FAT4: variants seen among roughly 807,000 people sequenced by gnomAD.
The protein encoded by FAT4 is FAT atypical cadherin 4.
FAT4 carries 84 observed loss-of-function variants against 303.9 expected under a neutral mutation model. The observed-to-expected ratio is 0.28, with a 90% CI of 0.23 to 0.33. The LOEUF is 0.33. Ranked by LOEUF, FAT4 falls within the 10% of genes least tolerant of loss-of-function variation. FAT4 has a pLI of 1.00. For missense variants in FAT4, 6,005 were observed against 6,146.8 expected, an observed-to-expected ratio of 0.98 and a Z score of 0.77; for synonymous variants, 2,307 against 2,298.8, an observed-to-expected ratio of 1.00 and a Z score of -0.10.
At chr4:125,440,644 A>AGAG (rs1385928096) in intron 8 of FAT4, among the ~76,000 whole-genome samples, 5 of 149,576 alleles carry the variant, frequency 3.3e-5, no homozygotes, top group South Asian at 2.1e-4. Context: ...AGAGAGAGAG[A>AGAG]ATTTATTCCA....
rs141847549 is a variant in FAT4, at chr4:125,378,404, G to A, written c.5176-20380G>A. Among the ~76,000 whole-genome samples the A allele has an allele frequency of 1.7e-3, 259 of 152,104 alleles. 3 individuals carry two copies. Among genetic ancestry groups the A allele is most frequent in the African/African-American group, 5.7e-3 (238 of 41,526 alleles). On this transcript the variant is annotated intron_variant, in intron 2 of 17. Coordinates refer to ENST00000394329, the MANE Select transcript of FAT4 (RefSeq NM_001291303.3). The stretch of plus-strand genomic sequence containing the variant: ...AATGAAGTATAATTATGGAGGCATA[G>A]TTATTTTTCAGAAAAGTAACTATAC...
chr4:125,393,472 G>A (rs1217035041), intron 2 of FAT4, among the ~76,000 whole-genome samples: 1 of 151,992 alleles, frequency 6.6e-6, no homozygotes, highest in African/African-American at 2.4e-5. Flanking sequence ...TGATATTAGC[G>A]ATTGTTAGGT....
intron 5 of FAT4, among the ~76,000 whole-genome samples, chr4:125,413,101 T>C (rs941689392): frequency 2.0e-5 from 3 of 151,826 alleles, no homozygotes; most frequent in African/African-American, 4.8e-5. Context: ...TAAATATATA[T>C]ACACACACAA....
At position 125,320,076 on chromosome 4, in the gene FAT4, C is replaced by T. The variant is rs1730864990; in HGVS notation, c.3665C>T (p.Ser1222Leu). The T allele has an allele frequency of 6.2e-7, 1 of 1,613,762 alleles. No homozygotes were observed. ...KDFYQATISE[S>L]AANLTQVLRV... The stretch of plus-strand genomic sequence containing the variant: ...TTTTACCAAGCTACAATATCAGAAT[C>T]AGCAGCCAATCTGACACAAGTGTTA... Residue 1222 changes from serine to leucine, a missense_variant, in exon 2 of 18, where the codon TCA becomes TTA. Coordinates refer to ENST00000394329, the MANE Select transcript of FAT4 (RefSeq NM_001291303.3).
intron 8 of FAT4, among the ~76,000 whole-genome samples, chr4:125,445,264 A>G (rs954893665): frequency 1.3e-5 from 2 of 152,134 alleles, no homozygotes; most frequent in Non-Finnish European, 2.9e-5. Context: ...AAAGTAGGAT[A>G]AAAAATGCTG....
intron 10 of FAT4, among the ~76,000 whole-genome samples, chr4:125,453,660 C>T (rs183651098): frequency 6.6e-6 from 1 of 150,880 alleles, no homozygotes; most frequent in Non-Finnish European, 1.5e-5. Context: ...GAGCCGAGAT[C>T]GCGTCACTGC....
chr4:125,331,602 A>C (rs143467789), intron 2 of FAT4, among the ~76,000 whole-genome samples: 1 of 152,200 alleles, frequency 6.6e-6, no homozygotes, highest in East Asian at 1.9e-4. Context: ...AATATATATC[A>C]CAGTGTATGC....
intron 2 of FAT4, among the ~76,000 whole-genome samples, chr4:125,368,778 C>G (rs2125990185): frequency 6.6e-6 from 1 of 151,860 alleles, no homozygotes; most frequent in African/African-American, 2.4e-5. Context: ...GGCTTCTAGC[C>G]ATAAGCCTGC....
intron 12 of FAT4, among the ~76,000 whole-genome samples, chr4:125,471,673 A>T (rs911709709): frequency 4.6e-5 from 7 of 151,792 alleles, no homozygotes; most frequent in Admixed American, 1.3e-4. Flanking sequence ...CCCATCTCTA[A>T]CAGCTATCAA....
Position 125,419,144 on chromosome 4 carries a change from A to G in FAT4, c.7018+2522A>G, listed in dbSNP as rs527889490. 1.1e-4 allele frequency among the ~76,000 whole-genome samples: 16 copies of G among 152,288 alleles called. No individual in the cohort carries two copies. The South Asian group carries it at 2.9e-3, about 28-fold the overall frequency. ...TCTATGATTGGAAATACTAATATCT[A>G]TATGAAAGTTTATTGATCAAATAGA... On this transcript the variant is annotated intron_variant, in intron 7 of 17. Coordinates refer to ENST00000394329, the MANE Select transcript of FAT4 (RefSeq NM_001291303.3).
chr4:125,395,375 T>C lies in FAT4; in HGVS notation c.5176-3409T>C, dbSNP rs563311108. ...CTGAGGCTGGAGTGCAGTGATGCCATCTTGGCTCACTGCAACCTCTGCATC... is the reference window on the plus strand; with the variant it reads ...CTGAGGCTGGAGTGCAGTGATGCCACCTTGGCTCACTGCAACCTCTGCATC... On this transcript the variant is annotated intron_variant, in intron 2 of 17. Coordinates refer to ENST00000394329, the MANE Select transcript of FAT4 (RefSeq NM_001291303.3). Among the ~76,000 whole-genome samples the C allele has an allele frequency of 2.6e-4, 40 of 152,282 alleles. No homozygotes were observed. The East Asian group carries it at 6.6e-3, about 25-fold the overall frequency.
chr4:125,321,141 T>C lies in FAT4; in HGVS notation c.4730T>C (p.Val1577Ala), dbSNP rs751681893. Reference sequence around the variant, plus strand: ...AATGGGGACACAGACACCTTCATTGTTGATCGTTATAGTGGAGACCTGAGA... The same window carrying C: ...AATGGGGACACAGACACCTTCATTGCTGATCGTTATAGTGGAGACCTGAGA... ...IINGDTDTFI[V>A]DRYSGDLRVA... is the part of the protein sequence containing the mutation. The change falls in exon 2 of 18, where the codon GTT becomes GCT. Residue 1577 changes from valine (V) to alanine (A), a missense_variant. Transcript: ENST00000394329. 2 of 1,614,158 alleles carry C rather than the reference T, an allele frequency of 1.2e-6. No homozygotes were observed. Among genetic ancestry groups the C allele is most frequent in the Non-Finnish European group, 1.7e-6 (2 of 1,179,982 alleles).
Position 125,451,847 on chromosome 4 carries a change from C to G in FAT4, c.10837C>G (p.Pro3613Ala). 1.9e-6 allele frequency: 3 copies of G among 1,614,108 alleles called. No individual in the cohort carries two copies. Among genetic ancestry groups the G allele is most frequent in the Non-Finnish European group, 1.7e-6 (2 of 1,180,020 alleles). The change falls in exon 10 of 18, where the codon CCT becomes GCT. Residue 3613 changes from proline to alanine, a missense_variant. Physicochemically the swap from Pro to Ala is conservative, Grantham distance 27 (BLOSUM62 -1). Transcript: ENST00000394329. The stretch of plus-strand genomic sequence containing the variant: ...CACAGTTATAGACCAAAATGACAAT[C>G]CTTCACAGTCTCGGACGGTGGAGAT... Reference protein sequence around the residue: ...HITVIDQNDNPSQSRTVEIFV... With the variant: ...HITVIDQNDNASQSRTVEIFV...
intron 7 of FAT4, among the ~76,000 whole-genome samples, chr4:125,421,549 A>G (rs1724891225): frequency 1.3e-5 from 2 of 152,236 alleles, no homozygotes. Context: ...AGGCATTAAT[A>G]TCTGCCACTA....
chr4:125,325,604 C>T (rs1731120219), intron 2 of FAT4, among the ~76,000 whole-genome samples: 1 of 152,204 alleles, frequency 6.6e-6, no homozygotes, highest in Admixed American at 6.5e-5. Context: ...GAGAAAACCA[C>T]AATACCTAGG....
At chr4:125,444,552 T>C (rs1432018402) in intron 8 of FAT4, among the ~76,000 whole-genome samples, 1 of 152,188 alleles carries the variant, frequency 6.6e-6, no homozygotes, top group Non-Finnish European at 1.5e-5. Context: ...GCAAGTCTTT[T>C]TGAATGGATC....
chr4:125,317,108 T>C lies in FAT4; in HGVS notation c.697T>C (p.Tyr233His), dbSNP rs1228522543. ...EDKGEPKRRG[Y>H]LQVNVTVQDI... The stretch of plus-strand genomic sequence containing the variant: ...CAAGGGTGAGCCTAAGCGGCGGGGC[T>C]ACCTTCAGGTAAACGTGACTGTGCA... The change falls in exon 2 of 18, where the codon TAC becomes CAC. Residue 233 changes from tyrosine (Y) to histidine (H), a missense_variant. Transcript: ENST00000394329. The surrounding 1 kb of genome is among the most constrained non-coding windows in gnomAD (Gnocchi z 7.0). The C allele has an allele frequency of 2.5e-6, 4 of 1,613,830 alleles. No individual in the cohort carries two copies. The East Asian group carries it at 8.9e-5, about 36-fold the overall frequency.
intron 7 of FAT4, among the ~76,000 whole-genome samples, chr4:125,420,406 T>C (rs1735242888): frequency 6.6e-6 from 1 of 152,236 alleles, no homozygotes. Flanking sequence ...ATGATAGTTG[T>C]CATTTGAAAG....
chr4:125,432,626 A>G (rs1725320101), intron 7 of FAT4, among the ~76,000 whole-genome samples: 1 of 151,750 alleles, frequency 6.6e-6, no homozygotes, highest in Non-Finnish European at 1.5e-5. Context: ...ATTTTTTTTT[A>G]GTTTATAGTT....
Sources: gnomAD v4.1 joint callset for allele counts (sites outside exome capture counted in the v4.1 genomes callset) on GRCh38, gnomAD v4.1.1 for gene constraint, Gnocchi (gnomAD v3.1) non-coding constraint, MANE v1.5 for transcripts, NCBI Gene and HGNC (gene_info 2026-07-23, HGNC 2026-07-21) for gene names.